Variants in HMCN2 observed in about 807,000 individuals in gnomAD.
HMCN2 encodes the protein hemicentin-2.
HMCN2 carries 325 observed loss-of-function variants against 377.5 expected under a neutral mutation model. The observed-to-expected ratio is 0.86, with a 90% CI of 0.79 to 0.94. The LOEUF (loss-of-function observed/expected upper bound fraction) is 0.94. Among genes scored for constraint, HMCN2 ranks in the 40% least tolerant of loss-of-function variants. The pLI is 0.00. For synonymous variants in HMCN2, 2,007 were observed against 2,046.8 expected, an observed-to-expected ratio of 0.98 and a Z score of 0.53; for missense variants, 4,543 against 4,725.3, an observed-to-expected ratio of 0.96 and a Z score of 1.13.
intron 85 of HMCN2, among the ~76,000 whole-genome samples, chr9:130,411,422 T>A (rs1843400507): frequency 6.6e-6 from 1 of 151,780 alleles, no homozygotes; most frequent in African/African-American, 2.4e-5. Flanking sequence ...ACCAGCATAG[T>A]GAAACCCTGT....
chr9:130,393,992 C>A lies in HMCN2; in HGVS notation c.10485C>A (p.Phe3495Leu). The part of the protein sequence containing the change: ...VSEAGEARRH[F>L]QLTVMEPPHI... ...AGGCGGGGGAAGCCAGGAGGCATTTCCAGCTGACCGTCATGGGTGGGTCCT... is the reference window on the plus strand; with the variant it reads ...AGGCGGGGGAAGCCAGGAGGCATTTACAGCTGACCGTCATGGGTGGGTCCT... Residue 3495 changes from phenylalanine to leucine, a missense_variant, in exon 68 of 98, where the codon TTC (phenylalanine) becomes TTA (leucine). Physicochemically the swap from Phe to Leu is conservative, Grantham distance 22 (BLOSUM62 0). Coordinates refer to ENST00000683500, the MANE Select transcript of HMCN2 (RefSeq NM_001291815.2). The surrounding 1 kb of genome is among the most constrained non-coding windows in gnomAD (Gnocchi z 5.2). The A allele has an allele frequency of 3.9e-6, 5 of 1,268,346 alleles. No homozygotes were observed. Among genetic ancestry groups the A allele is most frequent in the Non-Finnish European group, 5.1e-6 (5 of 979,238 alleles). The allele number at this position is 1,268,346 out of a possible 1,614,324, so 78.6% of individuals were successfully genotyped here.
At position 130,427,576 on chromosome 9, in the gene HMCN2, C is replaced by T; in HGVS notation, c.14022C>T (p.Cys4674=). ...LNAPGRFSCT[C]PTGFALAWDD... is the part of the protein sequence containing the mutation. ...CACCCGGCCGCTTCTCCTGCACCTG[C>T]CCCACTGGCTTCGCCCTGGCCTGGG... is the stretch of plus-strand genomic sequence containing the variant. Residue 4674 remains cysteine, a synonymous_variant, in exon 92 of 98, where the codon TGC becomes TGT. Coordinates refer to ENST00000683500, the MANE Select transcript of HMCN2 (RefSeq NM_001291815.2). The T allele has an allele frequency of 1.3e-6, 2 of 1,550,492 alleles. No individual in the cohort carries two copies. The highest frequency in any genetic ancestry group is 2.4e-5 in the South Asian group (2 of 84,054).
chr9:130,335,947 G>A (rs1282606233), intron 22 of HMCN2, among the ~76,000 whole-genome samples: 2 of 152,312 alleles, frequency 1.3e-5, no homozygotes. Context: ...GAGTCTCTGG[G>A]TAGGGCCTGA....
Position 130,425,821 on chromosome 9 carries a change from C to T in HMCN2, c.13776C>T (p.Pro4592=). 6.4e-7 allele frequency: 1 copy of T among 1,550,544 alleles called. No homozygotes were observed. The highest frequency in any genetic ancestry group is 8.7e-7 in the Non-Finnish European group (1 of 1,146,974). Residue 4592 remains proline, a synonymous_variant, in exon 90 of 98, where the codon CCC becomes CCT. Transcript: ENST00000683500. ...HSIQYNAARG[P]QPQLVQHLRA... is the part of the protein sequence containing the mutation. ...TCCAGTACAACGCGGCCCGGGGCCC[C>T]CAGCCCCAGCTGGTGCAGCACCTGC...
At chr9:130,404,551 C>G (rs1023031172) in intron 80 of HMCN2, among the ~76,000 whole-genome samples, 2 of 152,258 alleles carry the variant, frequency 1.3e-5, no homozygotes, top group African/African-American at 4.8e-5. Flanking sequence ...TGGCCTAGTA[C>G]AAGGTCCAAG....
chr9:130,397,094 T>C (rs1448503424), intron 73 of HMCN2, among the ~76,000 whole-genome samples: 1 of 152,180 alleles, frequency 6.6e-6, no homozygotes, highest in Non-Finnish European at 1.5e-5. Flanking sequence ...AAGACATACC[T>C]GAGACTGGGC....
chr9:130,343,616 G>A (rs895380988), intron 25 of HMCN2, among the ~76,000 whole-genome samples: 51 of 152,240 alleles, frequency 3.3e-4, no homozygotes, highest in Admixed American at 5.9e-4. Context: ...GCCGTTCTGC[G>A]CTTTTGGGAG....
intron 8 of HMCN2, among the ~76,000 whole-genome samples, chr9:130,302,053 T>TTTTTG (rs1836543617): frequency 6.6e-6 from 1 of 151,910 alleles, no homozygotes; most frequent in Non-Finnish European, 1.5e-5. Flanking sequence ...GCTGTGCTTT[T>TTTTTG]TTTTTTGAGA....
chr9:130,352,738 A>G (rs1839801477), intron 30 of HMCN2, among the ~76,000 whole-genome samples, 189 bp from the exon 31 acceptor site: 2 of 150,966 alleles, frequency 1.3e-5, no homozygotes, highest in Admixed American at 1.3e-4. Flanking sequence ...CCACACCAGC[A>G]TGTCCCCATG....
chr9:130,270,866 C>T (rs782809978), intron 1 of HMCN2, among the ~76,000 whole-genome samples: 2 of 148,480 alleles, frequency 1.3e-5, no homozygotes, highest in Non-Finnish European at 3.0e-5. Context: ...ACATGAGCCA[C>T]GGTGCCCAGC....
chr9:130,370,073 C>T (rs552530737), intron 45 of HMCN2, among the ~76,000 whole-genome samples: 26 of 151,776 alleles, frequency 1.7e-4, no homozygotes, highest in African/African-American at 4.8e-4. Flanking sequence ...ATTCGCCTCT[C>T]CTCCCTCCCT....
chr9:130,305,803 C>T (rs561873613), intron 11 of HMCN2, among the ~76,000 whole-genome samples: 5 of 152,322 alleles, frequency 3.3e-5, no homozygotes, highest in South Asian at 2.1e-4. Context: ...AGACAGGAGC[C>T]GTCCCCAGCC....
At chr9:130,274,079 G>GTTTTT in intron 1 of HMCN2, among the ~76,000 whole-genome samples, 1 of 149,438 alleles carries the variant, frequency 6.7e-6, no homozygotes. Context: ...GAGAGACGGA[G>GTTTTT]TCTCACTCTG....
At position 130,308,814 on chromosome 9, in the gene HMCN2, G is replaced by A. The variant is rs1023641780; in HGVS notation, c.2201-1098G>A. Among the ~76,000 whole-genome samples the A allele has an allele frequency of 2.0e-5, 3 of 152,344 alleles. No individual in the cohort carries two copies. Among genetic ancestry groups the A allele is most frequent in the East Asian group, 3.9e-4 (2 of 5,186 alleles). ...TACATGGATGTCCTGCTAGGTGGAC[G>A]CTATTCTAGGTGAAGTCAGCCAGAC... On this transcript the variant is annotated intron_variant, in intron 14 of 97. Transcript: ENST00000683500. This position sits in a 1 kb window ranked among gnomAD's most constrained non-coding sequence, Gnocchi z 4.1.
intron 22 of HMCN2, among the ~76,000 whole-genome samples, chr9:130,333,940 G>A (rs1247185360): frequency 6.6e-5 from 10 of 152,326 alleles, no homozygotes; most frequent in Admixed American, 2.6e-4. Context: ...TGGAGCCACA[G>A]GCAGGCAGGT....
chr9:130,422,994 T>G lies in HMCN2; in HGVS notation c.13381+268T>G, dbSNP rs990174601. On this transcript the variant is annotated intron_variant, in intron 87 of 97. Transcript: ENST00000683500. The surrounding 1 kb of genome is among the most constrained non-coding windows in gnomAD (Gnocchi z 4.2). ...GACCAAGAGTGTGTGAAACGGTCAG[T>G]GTTCTGGGGGTGCGGGCGCTCAGAT... Among the ~76,000 whole-genome samples, 1 of 151,954 alleles carries G rather than the reference T, an allele frequency of 6.6e-6. No homozygotes were observed. The highest frequency in any genetic ancestry group is 2.4e-5 in the African/African-American group (1 of 41,350).
At chr9:130,329,459 T>C (rs934839888) in intron 22 of HMCN2, among the ~76,000 whole-genome samples, 20 of 135,262 alleles carry the variant, frequency 1.5e-4, no homozygotes, top group African/African-American at 4.3e-4. Flanking sequence ...TTTTTTTTTT[T>C]CGGAGATGGA....
Position 130,410,592 on chromosome 9 carries a change from C to A in HMCN2, c.12901C>A (p.Gln4301Lys). The A allele has an allele frequency of 6.4e-7, 1 of 1,550,574 alleles. No individual in the cohort carries two copies. Among genetic ancestry groups the A allele is most frequent in the South Asian group, 1.2e-5 (1 of 84,052 alleles). ...GCAGAGGGACGATGCGGGACGGTAC[C>A]AGTGCCTGGCAGAGAATGAGATGGG... The part of the protein sequence containing the change: ...RTERDDAGRY[Q>K]CLAENEMGVA... Residue 4301 changes from glutamine (Q) to lysine (K), a missense_variant, in exon 85 of 98, where the codon CAG becomes AAG. Around this residue, in one of 5 missense-constraint regions of HMCN2, gnomAD observed 1,155 missense variants for 1,157.7 expected, o/e 1.00. Transcript: ENST00000683500.
rs779386677 is a variant in HMCN2, at chr9:130,433,383, C to T, written c.14930C>T (p.Thr4977Met). 2 of 1,479,216 alleles carry T rather than the reference C, an allele frequency of 1.4e-6. No individual in the cohort carries two copies. The highest frequency in any genetic ancestry group is 2.6e-5 in the South Asian group (2 of 77,830). 91.6% of individuals were successfully genotyped at this position (1,479,216 alleles called of 1,614,324 possible). ...CFRRCSQDCG[T>M]GGPSTLQYRL... Reference sequence around the variant, plus strand: ...CGGCGCTGCTCGCAGGACTGCGGCACGGGCGGCCCCTCTACGCTGCAGTAC... The same window carrying T: ...CGGCGCTGCTCGCAGGACTGCGGCATGGGCGGCCCCTCTACGCTGCAGTAC... Residue 4977 changes from threonine (T) to methionine (M), a missense_variant, in exon 98 of 98, where the codon ACG becomes ATG. Coordinates refer to ENST00000683500, the MANE Select transcript of HMCN2 (RefSeq NM_001291815.2).
Sources: gnomAD v4.1 joint callset for allele counts (sites outside exome capture counted in the v4.1 genomes callset) on GRCh38, gnomAD v4.1.1 for gene constraint, gnomAD v4.1.1 regional missense constraint, Gnocchi (gnomAD v3.1) non-coding constraint, MANE v1.5 for transcripts, NCBI Gene and HGNC (gene_info 2026-07-23, HGNC 2026-07-21) for gene names.